AGBL1: variants seen among roughly 807,000 people sequenced by gnomAD.
AGBL1 encodes AGBL carboxypeptidase 1.
A neutral mutation model predicts 118.9 loss-of-function variants in AGBL1; 130 were observed. The ratio of observed to expected loss-of-function variants is 1.09; its 90% CI spans 0.95 to 1.26. The LOEUF (loss-of-function observed/expected upper bound fraction) is 1.26. Among genes scored for constraint, AGBL1 ranks in the 50% most tolerant of loss-of-function variants. The pLI is 0.00. For missense variants in AGBL1, 1,584 were observed against 1,298.1 expected (o/e 1.22, Z -3.38); for synonymous variants, 555 against 478.9 (o/e 1.16, Z -2.08).
At position 86,690,745 on chromosome 15, in the gene AGBL1, C is replaced by T. The variant is rs10400830; in HGVS notation, c.3158+16309C>T. Among the ~76,000 whole-genome samples, 344 of 152,172 alleles carry T rather than the reference C, an allele frequency of 2.3e-3. 2 individuals are homozygous for T. The highest frequency in any genetic ancestry group is 8.0e-3 in the African/African-American group (333 of 41,536). On this transcript the variant is annotated intron_variant, in intron 22 of 22. Transcript: ENST00000614907. ...TCACCATAGAAAATTATGCTTCATT[C>T]CTCAATTTCTGTTTGGTTGGGTGGT... is the stretch of plus-strand genomic sequence containing the variant.
rs1207109397 is a variant in AGBL1, at chr15:86,314,312, G to C, written c.2374+18904G>C. Among the ~76,000 whole-genome samples, 5 of 152,156 alleles carry C rather than the reference G, an allele frequency of 3.3e-5. No homozygotes were observed. In the East Asian group the frequency reaches 9.6e-4, roughly 29 times the overall value. On this transcript the variant is annotated intron_variant, in intron 17 of 22. Transcript: ENST00000614907. ...CATGCTACTTCATTTGCCTAGTTCT[G>C]TTTAGTTATTTTTTCTGGCTAGTAA...
chr15:86,446,616 T>A (rs2082123999), intron 18 of AGBL1, among the ~76,000 whole-genome samples: 1 of 152,210 alleles, frequency 6.6e-6, no homozygotes, highest in Non-Finnish European at 1.5e-5. Flanking sequence ...TGTGATATTA[T>A]ATCTGTGACT....
chr15:86,867,402 G>A (rs555666635), intron 22 of AGBL1, among the ~76,000 whole-genome samples: 18 of 152,262 alleles, frequency 1.2e-4, no homozygotes, highest in Admixed American at 5.2e-4. Flanking sequence ...AACTTTCTGC[G>A]TTTTGTGGTA....
intron 24 of AGBL1, among the ~76,000 whole-genome samples, chr15:87,002,189 C>G (rs921209941): frequency 4.6e-5 from 7 of 152,080 alleles, no homozygotes; most frequent in Non-Finnish European, 1.0e-4. Flanking sequence ...TTTCAGCTTT[C>G]TACAGATGGC....
chr15:86,388,081 A>G (rs375186968), intron 17 of AGBL1, among the ~76,000 whole-genome samples: 7 of 152,262 alleles, frequency 4.6e-5, no homozygotes, highest in African/African-American at 1.4e-4. Flanking sequence ...CCAGTGGTAT[A>G]TGGGTCAGAA....
chr15:86,997,310 TC>T (rs2141753149), intron 24 of AGBL1, among the ~76,000 whole-genome samples: 1 of 152,286 alleles, frequency 6.6e-6, no homozygotes, highest in African/African-American at 2.4e-5. Flanking sequence ...CCTGGCGGCC[TC>T]CTGCAGTGCC....
intron 5 of AGBL1, among the ~76,000 whole-genome samples, chr15:86,200,329 T>A (rs542706980): frequency 6.6e-6 from 1 of 152,296 alleles, no homozygotes; most frequent in East Asian, 1.9e-4. Context: ...CTTTCCTGAT[T>A]TCAACAAATT....
intron 5 of AGBL1, among the ~76,000 whole-genome samples, chr15:86,219,589 C>T (rs1014798050): frequency 2.0e-5 from 3 of 151,964 alleles, no homozygotes; most frequent in Admixed American, 6.5e-5. Context: ...AGTCCTGCCA[C>T]TCAAAGATGC....
At chr15:86,922,587 G>A (rs1052594181) in intron 23 of AGBL1, among the ~76,000 whole-genome samples, 37 of 152,200 alleles carry the variant, frequency 2.4e-4, no homozygotes, top group South Asian at 8.3e-4. Flanking sequence ...CACCATGCCC[G>A]GCCCAGAAAC....
chr15:86,516,958 T>C (rs897322791), intron 18 of AGBL1, among the ~76,000 whole-genome samples: 1 of 152,212 alleles, frequency 6.6e-6, no homozygotes, highest in Non-Finnish European at 1.5e-5. Context: ...TCTTTTGAAT[T>C]GCCCCATTGA....
intron 22 of AGBL1, among the ~76,000 whole-genome samples, chr15:86,808,143 C>T (rs901437658): frequency 1.3e-5 from 2 of 152,088 alleles, no homozygotes; most frequent in Non-Finnish European, 2.9e-5. Flanking sequence ...AATAAATTTT[C>T]AATCCATAAA....
chr15:86,154,680 C>A, intron 4 of AGBL1, 119 bp downstream of exon 4: 2 of 1,239,546 alleles, frequency 1.6e-6, no homozygotes, highest in Non-Finnish European at 2.1e-6. Context: ...ATGGTGGTCC[C>A]AGCCAGATAA....
At chr15:86,632,637 T>A (rs1351259052) in intron 21 of AGBL1, among the ~76,000 whole-genome samples, 3 of 151,880 alleles carry the variant, frequency 2.0e-5, no homozygotes, top group Non-Finnish European at 4.4e-5. Flanking sequence ...CATGTTTTTT[T>A]TTTTTTTTCT....
intron 17 of AGBL1, among the ~76,000 whole-genome samples, chr15:86,319,461 T>A (rs746696367): frequency 3.0e-4 from 46 of 152,150 alleles, no homozygotes; most frequent in Non-Finnish European, 5.7e-4. Context: ...TCTTTTGTGA[T>A]GTTTCTGTTC....
intron 18 of AGBL1, among the ~76,000 whole-genome samples, chr15:86,469,074 G>C (rs1298219773): frequency 6.6e-6 from 1 of 151,648 alleles, no homozygotes; most frequent in African/African-American, 2.4e-5. Context: ...CACAAAGTTT[G>C]TTTTTTTTGT....
chr15:86,267,765 A>T (rs915337154), intron 13 of AGBL1, among the ~76,000 whole-genome samples: 1 of 152,224 alleles, frequency 6.6e-6, no homozygotes, highest in African/African-American at 2.4e-5. Flanking sequence ...TCTTTCTATT[A>T]TAGCAGTGTG....
chr15:86,879,700 G>A (rs935560496), intron 22 of AGBL1, among the ~76,000 whole-genome samples: 1 of 152,200 alleles, frequency 6.6e-6, no homozygotes, highest in African/African-American at 2.4e-5. Context: ...TGTTTTCTGA[G>A]GAGGCAGAGA....
chr15:86,529,388 C>A lies in AGBL1; in HGVS notation c.2685+6449C>A, dbSNP rs1440420931. On this transcript the variant is annotated intron_variant, in intron 19 of 22. Coordinates refer to ENST00000614907, the MANE Select transcript of AGBL1 (RefSeq NM_001386094.1). ...GGAAGATGAAATGAATGAAATGAAG[C>A]GAGAAGGGAAGTTTAGAGAAAAAAG... Among the ~76,000 whole-genome samples the A allele has an allele frequency of 2.3e-5, 3 of 133,064 alleles. 1 individual carries two copies. Among genetic ancestry groups the A allele is most frequent in the African/African-American group, 1.2e-4 (3 of 25,740 alleles). 87.3% of individuals were successfully genotyped at this position (133,064 alleles called of 152,430 possible). A position where few individuals can be genotyped will look rare whatever the true frequency, so the allele number is the denominator to read the frequency against.
At chr15:86,603,672 G>T (rs185918302) in intron 21 of AGBL1, among the ~76,000 whole-genome samples, 92 of 152,010 alleles carry the variant, frequency 6.1e-4, no homozygotes, top group African/African-American at 2.1e-3. Context: ...CTCTCTTCCC[G>T]CCCCCTCCAT....
Sources: gnomAD v4.1 joint callset for allele counts (sites outside exome capture counted in the v4.1 genomes callset) on GRCh38, gnomAD v4.1.1 for gene constraint, MANE v1.5 for transcripts, NCBI Gene and HGNC (gene_info 2026-07-23, HGNC 2026-07-21) for gene names.